Variants in SMARCD3 observed in about 807,000 individuals in gnomAD.
SMARCD3 encodes the protein SWI/SNF related BAF chromatin remodeling complex subunit D3, also known as SWI/SNF-related matrix-associated actin-dependent regulator of chromatin subfamily D member 3.
SMARCD3 carries 14 observed loss-of-function variants against 58.0 expected under a neutral mutation model. The ratio of observed to expected loss-of-function variants is 0.24; its 90% CI spans 0.16 to 0.38. The LOEUF is 0.38. Ranked by LOEUF, SMARCD3 falls within the 10% of genes least tolerant of loss-of-function variation. The probability of loss-of-function intolerance (pLI) is 1.00; values close to 1 mark genes in which losing one functional copy is unlikely to be tolerated. For missense variants in SMARCD3, 408 were observed against 636.9 expected, an observed-to-expected ratio of 0.64 and a Z score of 3.87; for synonymous variants, 253 against 253.8, an observed-to-expected ratio of 1.00 and a Z score of 0.03.
chr7:151,272,585 A>T (rs1425704232), intron 2 of SMARCD3, among the ~76,000 whole-genome samples: 1 of 152,146 alleles, frequency 6.6e-6, no homozygotes, highest in Non-Finnish European at 1.5e-5. Context: ...TGTGGGGCGC[A>T]CGCTCATGAG....
intron 2 of SMARCD3, among the ~76,000 whole-genome samples, chr7:151,259,901 C>T (rs1198929855): frequency 1.3e-5 from 2 of 152,008 alleles, no homozygotes; most frequent in Non-Finnish European, 1.5e-5. Context: ...TGAGCCACCA[C>T]GCCTGGCCAA....
At chr7:151,266,170 A>G (rs1357534713) in intron 2 of SMARCD3, among the ~76,000 whole-genome samples, 1 of 152,018 alleles carries the variant, frequency 6.6e-6, no homozygotes, top group East Asian at 1.9e-4. Context: ...GTGTTTCACC[A>G]TGTTGGCCAG....
At chr7:151,268,798 C>T (rs1795071749) in intron 2 of SMARCD3, among the ~76,000 whole-genome samples, 1 of 152,024 alleles carries the variant, frequency 6.6e-6, no homozygotes, top group African/African-American at 2.4e-5. Flanking sequence ...GAGATGAGGT[C>T]TCGCTTTGTT....
rs1802803722 is a variant in SMARCD3 at position 151,238,976 on chromosome 7, C to G, written c.*127G>C. 8.9e-7 allele frequency: 1 copy of G among 1,127,500 alleles called. No homozygotes were observed. The highest frequency in any genetic ancestry group is 1.7e-5 in the Admixed American group (1 of 57,534). 69.8% of individuals were successfully genotyped at this position (1,127,500 alleles called of 1,614,324 possible). ...TTTCCAATGACCACACGGCTGCTGT[C>G]AGATGAATGACTTTTAATCCAGCCC... On this transcript the variant is annotated 3_prime_UTR_variant, in exon 13 of 13. Coordinates refer to ENST00000262188, the MANE Select transcript of SMARCD3 (RefSeq NM_001003801.2).
Position 151,245,497 on chromosome 7 carries a change from C to A in SMARCD3, c.253G>T (p.Gly85Cys). 8.2e-7 allele frequency: 1 copy of A among 1,225,690 alleles called. No individual in the cohort carries two copies. The highest frequency in any genetic ancestry group is 1.0e-6 in the Non-Finnish European group (1 of 983,742). The allele number at this position is 1,225,690 out of a possible 1,614,324, so 75.9% of individuals were successfully genotyped here. ...GCGGGGGCGGTGGGCACCGGCTGGC[C>A]CTGGCTCTGTGCCTGGCTCTGCCCG... ...PPGQSQAQSQ[G>C]QPVPTAPARS... is the part of the protein sequence containing the mutation. Residue 85 changes from glycine to cysteine, a missense_variant, in exon 2 of 13, where the codon GGC becomes TGC. Gly to Cys is a radical substitution (Grantham distance 159). This residue lies in a region of SMARCD3 where 128 missense variants were observed against 188.8 expected (regional missense o/e 0.68). Coordinates refer to ENST00000262188, the MANE Select transcript of SMARCD3 (RefSeq NM_001003801.2). This position sits in a 1 kb window ranked among gnomAD's most constrained non-coding sequence, Gnocchi z 6.2.
intron 1 of SMARCD3, among the ~76,000 whole-genome samples, chr7:151,247,898 C>T (rs1803348603): frequency 6.6e-6 from 1 of 152,164 alleles, no homozygotes; most frequent in Admixed American, 6.5e-5. Flanking sequence ...CCAAGGAGAC[C>T]CTCAGAGCCC....
upstream of SMARCD3, chr7:151,276,815 A>G: frequency 1.0e-5 from 1 of 96,224 alleles, no homozygotes; most frequent in East Asian, 3.9e-4. Flanking sequence ...AGGAGGGGGG[A>G]TGCCTGGCAG....
Position 151,248,464 on chromosome 7 carries a change from C to A in SMARCD3, c.78+21G>T, listed in dbSNP as rs554761835. 1.2e-6 allele frequency: 2 copies of A among 1,600,834 alleles called. No individual in the cohort carries two copies. Among genetic ancestry groups the A allele is most frequent in the South Asian group, 1.1e-5 (1 of 90,646 alleles). ...CCGAGCCAGCTCGCTTGCCCTCCCC[C>A]GCTAACTTTCCCCCACTCACCACCC... On this transcript the variant is annotated intron_variant, in intron 1 of 12. Transcript: ENST00000262188. The surrounding 1 kb of genome is among the most constrained non-coding windows in gnomAD (Gnocchi z 6.1).
chr7:151,241,242 GC>G lies in SMARCD3; in HGVS notation c.939+249del. 1.9e-6 allele frequency: 1 copy of G among 536,588 alleles called. No homozygotes were observed. The allele number at this position is 536,588 out of a possible 1,614,324, so 33.2% of individuals were successfully genotyped here. A position where few individuals can be genotyped will look rare whatever the true frequency, so the allele number is the denominator to read the frequency against. The stretch of plus-strand genomic sequence containing the variant: ...AATATTACATTCCAGAAAGCGGTTG[GC>G]TTTGTAGGGTTTCCAGGTCTTCCTA... On this transcript the variant is annotated intron_variant, in intron 8 of 12. Transcript: ENST00000262188. The surrounding 1 kb of genome is among the most constrained non-coding windows in gnomAD (Gnocchi z 5.3).
intron 2 of SMARCD3, among the ~76,000 whole-genome samples, chr7:151,274,891 C>G (rs1034548691): frequency 6.6e-6 from 1 of 152,008 alleles, no homozygotes; most frequent in Non-Finnish European, 1.5e-5. Flanking sequence ...TGAGAGGACA[C>G]GCAGGAAAGG....
intron 2 of SMARCD3, among the ~76,000 whole-genome samples, chr7:151,266,030 C>T (rs372126893): frequency 1.3e-5 from 2 of 152,114 alleles, no homozygotes; most frequent in East Asian, 1.9e-4. Flanking sequence ...AGTGCAGTGG[C>T]GTGATCTCGG....
chr7:151,268,313 G>A (rs1003944512), intron 2 of SMARCD3, among the ~76,000 whole-genome samples: 7 of 152,330 alleles, frequency 4.6e-5, no homozygotes, highest in South Asian at 2.1e-4. Flanking sequence ...AGAGACAATC[G>A]GGTGGAGCTG....
intron 2 of SMARCD3, among the ~76,000 whole-genome samples, chr7:151,269,487 C>A (rs556539647): frequency 5.3e-5 from 8 of 152,290 alleles, no homozygotes; most frequent in African/African-American, 1.7e-4. Context: ...AGAAGACAGG[C>A]CTTTCACACC....
intron 2 of SMARCD3, among the ~76,000 whole-genome samples, chr7:151,261,850 G>A (rs960089786): frequency 2.0e-5 from 3 of 152,212 alleles, no homozygotes; most frequent in Admixed American, 6.5e-5. Flanking sequence ...AGCCAGCCAG[G>A]TGATCATTCA....
chr7:151,272,505 C>T (rs919512267), intron 2 of SMARCD3, among the ~76,000 whole-genome samples: 3 of 152,142 alleles, frequency 2.0e-5, no homozygotes, highest in Admixed American at 6.5e-5. Context: ...TTTCCCAGAA[C>T]GATCTTCAGT....
chr7:151,254,445 C>T (rs999380496), intron 2 of SMARCD3: 1 of 152,616 alleles, frequency 6.6e-6, no homozygotes, highest in African/African-American at 2.4e-5. Context: ...GCTCTGTCCT[C>T]ATCTGTGACA....
intron 2 of SMARCD3, among the ~76,000 whole-genome samples, chr7:151,256,080 C>T (rs554847319): frequency 6.6e-5 from 10 of 152,186 alleles, no homozygotes; most frequent in African/African-American, 2.2e-4. Flanking sequence ...GGGGTTTCAC[C>T]GTGTTGCCCA....
At chr7:151,274,261 T>C (rs1299177644) in intron 2 of SMARCD3, among the ~76,000 whole-genome samples, 1 of 152,166 alleles carries the variant, frequency 6.6e-6, no homozygotes, top group Non-Finnish European at 1.5e-5. Flanking sequence ...GCCAGCGTGA[T>C]GATGGGTGGG....
Position 151,241,151 on chromosome 7 carries a change from C to T in SMARCD3, c.939+341G>A. Reference sequence around the variant, plus strand: ...GATAAGGAAACAAGGTTCAGAATCGCTGAGTCACTTACCCAGAGTCCAGAC... The same window carrying T: ...GATAAGGAAACAAGGTTCAGAATCGTTGAGTCACTTACCCAGAGTCCAGAC... On this transcript the variant is annotated intron_variant, in intron 8 of 12. Coordinates refer to ENST00000262188, the MANE Select transcript of SMARCD3 (RefSeq NM_001003801.2). This position sits in a 1 kb window ranked among gnomAD's most constrained non-coding sequence, Gnocchi z 5.3. 2.7e-6 allele frequency: 1 copy of T among 371,058 alleles called. No individual in the cohort carries two copies. The highest frequency in any genetic ancestry group is 2.4e-5 in the South Asian group (1 of 40,874). The allele number at this position is 371,058 out of a possible 1,614,324, so 23.0% of individuals were successfully genotyped here. A position where few individuals can be genotyped will look rare whatever the true frequency, so the allele number is the denominator to read the frequency against.
Sources: gnomAD v4.1 joint callset for allele counts (sites outside exome capture counted in the v4.1 genomes callset) on GRCh38, gnomAD v4.1.1 for gene constraint, gnomAD v4.1.1 regional missense constraint, Gnocchi (gnomAD v3.1) non-coding constraint, MANE v1.5 for transcripts, NCBI Gene and HGNC (gene_info 2026-07-23, HGNC 2026-07-21) for gene names.